Variants in FAAP24 observed in about 807,000 individuals in gnomAD.
FAAP24 encodes Fanconi anemia core complex-associated protein 24.
FAAP24 carries 16 observed loss-of-function variants against 14.3 expected under a neutral mutation model. The ratio of observed to expected loss-of-function variants is 1.12; its 90% confidence interval spans 0.76 to 1.69. The LOEUF is 1.69. Ranked by LOEUF, FAAP24 falls within the 40% of genes most tolerant of loss-of-function variation. The pLI, the probability that FAAP24 is intolerant of heterozygous loss-of-function variation, is 0.00. For synonymous variants in FAAP24, 111 were observed against 106.2 expected, an observed-to-expected ratio of 1.04 and a Z score of -0.28; for missense variants, 234 against 262.7, an observed-to-expected ratio of 0.89 and a Z score of 0.75.
At chr19:32,976,215 C>G (rs1298962613) in intron 4 of FAAP24, among the ~76,000 whole-genome samples, 1 of 152,224 alleles carries the variant, frequency 6.6e-6, no homozygotes, top group South Asian at 2.1e-4. Context: ...TGAAAACGCA[C>G]ATTTTTGTAA....
At position 32,973,228 on chromosome 19, in the gene FAAP24, C is replaced by G. The variant is rs1971463745; in HGVS notation, c.32C>G (p.Pro11Arg). ...AAGAACCCCCCTGATGATACGGGCC[C>G]CGTGCACGTGCCTTTGGGGCATATT... is the stretch of plus-strand genomic sequence containing the variant. MEKNPPDDTG[P>R]VHVPLGHIVA... Residue 11 changes from proline (P) to arginine (R), a missense_variant, in exon 2 of 5, where the codon CCC becomes CGC. Coordinates refer to ENST00000588258, the MANE Select transcript of FAAP24 (RefSeq NM_152266.5). 2 of 1,613,804 alleles carry G rather than the reference C, an allele frequency of 1.2e-6. No homozygotes were observed. The highest frequency in any genetic ancestry group is 1.1e-5 in the South Asian group (1 of 91,074).
chr19:32,974,415 G>C (rs749707345), intron 4 of FAAP24, among the ~76,000 whole-genome samples: 1 of 152,216 alleles, frequency 6.6e-6, no homozygotes, highest in Non-Finnish European at 1.5e-5. Context: ...AAGTATACAA[G>C]TTGGAGACCT....
At chr19:32,974,968 CG>C (rs1971497023) in intron 4 of FAAP24, among the ~76,000 whole-genome samples, 1 of 151,572 alleles carries the variant, frequency 6.6e-6, no homozygotes, top group South Asian at 2.1e-4. Flanking sequence ...CTCCACCTCC[CG>C]GGTTCAAGCC....
Position 32,973,205 on chromosome 19 carries a change from G to GA in FAAP24, c.11dup (p.Asn4LysfsTer4). The GA allele has an allele frequency of 6.2e-7, 1 of 1,613,110 alleles. No individual in the cohort carries two copies. The highest frequency in any genetic ancestry group is 1.1e-5 in the South Asian group (1 of 91,008). ...TTAGGTGGAGACCATCCATGGAAAA[G>GA]AACCCCCCTGATGATACGGGCCCCG... On this transcript the variant is annotated frameshift_variant, in exon 2 of 5. Coordinates refer to ENST00000588258, the MANE Select transcript of FAAP24 (RefSeq NM_152266.5). LOFTEE classifies it high-confidence loss of function.
At position 32,977,621 on chromosome 19, in the gene FAAP24, T is replaced by TAA. The variant is rs1279866786; in HGVS notation, c.*941_*942dup. The TAA allele has an allele frequency of 2.5e-6, 1 of 394,876 alleles. No homozygotes were observed. Among genetic ancestry groups the TAA allele is most frequent in the African/African-American group, 2.1e-5 (1 of 48,432 alleles). The allele number at this position is 394,876 out of a possible 1,614,324, so 24.5% of individuals were successfully genotyped here. A position where few individuals can be genotyped will look rare whatever the true frequency, so the allele number is the denominator to read the frequency against. ...AAGTATGAAGTCTGAAGTTCCCACTTAAAGTTGAAAACTCAACGGCCGGGC... is the reference window on the plus strand; with the variant it reads ...AAGTATGAAGTCTGAAGTTCCCACTTAAAAAGTTGAAAACTCAACGGCCGGGC... On this transcript the variant is annotated 3_prime_UTR_variant, in exon 5 of 5. Transcript: ENST00000588258.
chr19:32,976,529 G>C lies in FAAP24; in HGVS notation c.495G>C (p.Gln165His). ...CTTCGCTCCTTCGAACCGTGCAGCA[G>C]ATCCCAGGAGTTGGAAAAGTTAAAG... ...SEPSLLRTVQ[Q>H]IPGVGKVKAP... The change falls in exon 5 of 5, where the codon CAG becomes CAC. Residue 165 changes from glutamine (Q) to histidine (H), a missense_variant. Coordinates refer to ENST00000588258, the MANE Select transcript of FAAP24 (RefSeq NM_152266.5). 2 of 1,614,188 alleles carry C rather than the reference G, an allele frequency of 1.2e-6. No individual in the cohort carries two copies. The highest frequency in any genetic ancestry group is 1.7e-6 in the Non-Finnish European group (2 of 1,180,032).
In FAAP24 at chr19:32,978,098, G is replaced by A. The variant is rs1971543457; in HGVS notation, c.*1416G>A. The A allele has an allele frequency of 6.6e-6, 1 of 150,664 alleles. No individual in the cohort carries two copies. The highest frequency in any genetic ancestry group is 1.5e-5 in the Non-Finnish European group (1 of 67,572). The allele number at this position is 150,664 out of a possible 1,614,324, so 9.3% of individuals were successfully genotyped here. ...GTACAAATTGCCCATTCAAAAAATA[G>A]ACACAGGCCAGGCACAGTGGCTCAC... is the stretch of plus-strand genomic sequence containing the variant. On this transcript the variant is annotated 3_prime_UTR_variant, in exon 5 of 5. Coordinates refer to ENST00000588258, the MANE Select transcript of FAAP24 (RefSeq NM_152266.5).
chr19:32,973,653 G>A, intron 3 of FAAP24, 91 bp downstream of exon 3: 2 of 1,354,342 alleles, frequency 1.5e-6, no homozygotes, highest in Non-Finnish European at 2.1e-6. Flanking sequence ...TCAGTAGTTG[G>A]AGACCAGCCT....
chr19:32,972,699 G>GTT lies in FAAP24; in HGVS notation c.-14+356_-14+357dup, dbSNP rs1971447098. On this transcript the variant is annotated intron_variant, in intron 1 of 4. Coordinates refer to ENST00000588258, the MANE Select transcript of FAAP24 (RefSeq NM_152266.5). ...CCCTGGCCTTCATTCAGGCCTTTGT[G>GTT]TTTTCTTTTTCTTTTCTTTTTTTTT... Among the ~76,000 whole-genome samples, 4 of 137,492 alleles carry GTT rather than the reference G, an allele frequency of 2.9e-5. No individual in the cohort carries two copies. In the South Asian group the frequency reaches 1.0e-3, roughly 34 times the overall value. 90.2% of individuals were successfully genotyped at this position (137,492 alleles called of 152,430 possible).
chr19:32,972,489 C>G (rs1175079485), intron 1 of FAAP24, 143 bp downstream of exon 1: 1 of 394,286 alleles, frequency 2.5e-6, no homozygotes, highest in Non-Finnish European at 4.5e-6. Flanking sequence ...ATTGCTCAGG[C>G]TGGTCTCGAA....
Position 32,976,912 on chromosome 19 carries a change from G to T in FAAP24, c.*230G>T, listed in dbSNP as rs1971525930. 1.7e-5 allele frequency: 10 copies of T among 577,860 alleles called. No homozygotes were observed. The South Asian group carries it at 2.4e-4, about 14-fold the overall frequency. The allele number at this position is 577,860 out of a possible 1,614,324, so 35.8% of individuals were successfully genotyped here. Reference sequence around the variant, plus strand: ...AACAATTAGCCAGGCATGGTGACAGGTGCCTGTAATCCCAGCTACTTGGGA... The same window carrying T: ...AACAATTAGCCAGGCATGGTGACAGTTGCCTGTAATCCCAGCTACTTGGGA... On this transcript the variant is annotated 3_prime_UTR_variant, in exon 5 of 5. Coordinates refer to ENST00000588258, the MANE Select transcript of FAAP24 (RefSeq NM_152266.5).
chr19:32,973,172 T>C lies in FAAP24; in HGVS notation c.-13-12T>C. 1 of 1,608,506 alleles carries C rather than the reference T, an allele frequency of 6.2e-7. No individual in the cohort carries two copies. The highest frequency in any genetic ancestry group is 1.3e-5 in the African/African-American group (1 of 74,886). On this transcript the variant is annotated splice_polypyrimidine_tract_variant and intron_variant, in intron 1 of 4. Coordinates refer to ENST00000588258, the MANE Select transcript of FAAP24 (RefSeq NM_152266.5). ...AGCCTGCTCAAGTGCCGCCTGGCTT[T>C]TCCCTCCTTAGGTGGAGACCATCCA...
At chr19:32,975,479 G>C (rs1971504495) in intron 4 of FAAP24, among the ~76,000 whole-genome samples, 1 of 131,934 alleles carries the variant, frequency 7.6e-6, no homozygotes, top group Non-Finnish European at 1.6e-5. Context: ...TTTTTTTTGA[G>C]ATGGAGTTTC....
rs541903604 is a variant in FAAP24, at chr19:32,976,365, A to G, written c.397-66A>G. On this transcript the variant is annotated intron_variant, in intron 4 of 4. Transcript: ENST00000588258. ...TGGAAAAACGCAATTTCTACAAAAC[A>G]TATTTTAAGAAAACGGCCAGTCCTC... 172 of 1,532,090 alleles carry G rather than the reference A, an allele frequency of 1.1e-4. 1 individual carries two copies. Among genetic ancestry groups the G allele is most frequent in the South Asian group, 4.7e-4 (37 of 78,178 alleles). 94.9% of individuals were successfully genotyped at this position (1,532,090 alleles called of 1,614,324 possible). A position where few individuals can be genotyped will look rare whatever the true frequency, so the allele number is the denominator to read the frequency against.
In FAAP24 at chr19:32,972,351, G is replaced by A. The variant is rs1350942541; in HGVS notation, c.-14+5G>A. 1.7e-5 allele frequency: 7 copies of A among 404,858 alleles called. No homozygotes were observed. Among genetic ancestry groups the A allele is most frequent in the African/African-American group, 1.2e-4 (6 of 48,772 alleles). 25.1% of individuals were successfully genotyped at this position (404,858 alleles called of 1,614,324 possible). A position where few individuals can be genotyped will look rare whatever the true frequency, so the allele number is the denominator to read the frequency against. On this transcript the variant is annotated splice_donor_5th_base_variant and intron_variant, in intron 1 of 4. Coordinates refer to ENST00000588258, the MANE Select transcript of FAAP24 (RefSeq NM_152266.5). ...GGACTGGACTGAGAAGCTACGGTGC[G>A]GATCCAGCTGGGGTATCAGGGGCTA...
chr19:32,974,221 C>CGA lies in FAAP24; in HGVS notation c.396+10_396+11dup. The stretch of plus-strand genomic sequence containing the variant: ...GCCTCGTCATCCAGTTGGTGAGTAC[C>CGA]GATTCCTACACCTTCGTGGTAGTCC... On this transcript the variant is annotated intron_variant, in intron 4 of 4. Coordinates refer to ENST00000588258, the MANE Select transcript of FAAP24 (RefSeq NM_152266.5). 6.2e-7 allele frequency: 1 copy of CGA among 1,610,108 alleles called. No homozygotes were observed. The highest frequency in any genetic ancestry group is 8.5e-7 in the Non-Finnish European group (1 of 1,178,722).
chr19:32,973,117 T>G, intron 1 of FAAP24, 67 bp from the exon 2 acceptor site: 1 of 1,226,314 alleles, frequency 8.2e-7, no homozygotes, highest in South Asian at 1.3e-5. Flanking sequence ...GGCCCTGGCT[T>G]GGAGTGGAAT....
At position 32,974,172 on chromosome 19, in the gene FAAP24, T is replaced by C; in HGVS notation, c.356T>C (p.Val119Ala). 6.2e-7 allele frequency: 1 copy of C among 1,613,862 alleles called. No individual in the cohort carries two copies. Among genetic ancestry groups the C allele is most frequent in the South Asian group, 1.1e-5 (1 of 90,964 alleles). Residue 119 changes from valine to alanine, a missense_variant, in exon 4 of 5, where the codon GTG becomes GCG. Val to Ala is a moderately conservative substitution (Grantham distance 64). Coordinates refer to ENST00000588258, the MANE Select transcript of FAAP24 (RefSeq NM_152266.5). ...GACCTTGGAATGGTGCTGCTTCCAG[T>C]GGCCAGCCAGATGGAAGCATCCTGC... ...VLDLGMVLLPVASQMEASCLV... is the reference protein window; with the variant it reads ...VLDLGMVLLPAASQMEASCLV...
At chr19:32,972,475 C>T in intron 1 of FAAP24, 129 bp downstream of exon 1, 1 of 398,196 alleles carries the variant, frequency 2.5e-6, no homozygotes, top group Non-Finnish European at 4.4e-6. Context: ...CGGGATCTCG[C>T]TGTATTGCTC....
Sources: allele counts gnomAD v4.1 joint callset (sites outside exome capture counted in the v4.1 genomes callset), GRCh38; gene constraint gnomAD v4.1.1; transcripts MANE v1.5; gene names NCBI Gene and HGNC (gene_info 2026-07-23, HGNC 2026-07-21).